The following MTCL1 variants were observed in gnomAD, a reference collection of about 807,000 sequenced individuals.
MTCL1 encodes microtubule crosslinking factor 1.
MTCL1 carries 79 observed loss-of-function variants against 141.4 expected under a neutral mutation model. That is an observed-to-expected ratio of 0.56 (90% CI 0.47 to 0.67). The LOEUF is 0.67. Among genes scored for constraint, MTCL1 ranks in the 30% least tolerant of loss-of-function variants. The pLI is 0.00. For synonymous variants in MTCL1, 914 were observed against 875.8 expected (o/e 1.04, Z -0.77); for missense variants, 2,177 against 2,113.9 (o/e 1.03, Z -0.59).
At chr18:8,780,887 G>T (rs2034012118) in intron 5 of MTCL1, among the ~76,000 whole-genome samples, 1 of 152,076 alleles carries the variant, frequency 6.6e-6, no homozygotes, top group Admixed American at 6.5e-5. Flanking sequence ...AATGAACAAG[G>T]CCAGGTGTGG....
rs557141516 is a variant in MTCL1, at chr18:8,736,908, A to G, written c.357+16412A>G. Among the ~76,000 whole-genome samples the G allele has an allele frequency of 1.8e-4, 27 of 152,204 alleles. 1 individual carries two copies. In the South Asian group the frequency reaches 3.7e-3, roughly 21 times the overall value. On this transcript the variant is annotated intron_variant, in intron 4 of 16. Coordinates refer to ENST00000359865, the Ensembl canonical transcript of MTCL1. ...GCCCGCCACGGCCTCCGAAAGTGCT[A>G]GGATTACAGGCGTGAGCCACTGCAC...
chr18:8,769,551 G>T (rs2096476083), intron 4 of MTCL1, among the ~76,000 whole-genome samples: 2 of 152,314 alleles, frequency 1.3e-5, no homozygotes, highest in Non-Finnish European at 2.9e-5. Flanking sequence ...GAGCCAACCA[G>T]CTCATATTGC....
upstream of MTCL1, among the ~76,000 whole-genome samples, chr18:8,713,363 G>A (rs2096106339): frequency 6.6e-6 from 1 of 152,178 alleles, no homozygotes. Context: ...TGTATAAAAA[G>A]ACAACAGCGA....
At chr18:8,784,815 T>C (rs1224059302) in exon 6 of MTCL1, 2 of 1,604,830 alleles carry the variant, frequency 1.2e-6, no homozygotes. Context: ...ATCGGGAACC[T>C]GGGGAAGGAG....
intron 10 of MTCL1, among the ~76,000 whole-genome samples, chr18:8,800,058 C>T (rs2143963403): frequency 6.6e-6 from 1 of 152,332 alleles, no homozygotes; most frequent in East Asian, 1.9e-4. Flanking sequence ...GAGTAAGGAG[C>T]TCACTAACGC....
rs368463108 is a variant in MTCL1 at position 8,813,019 on chromosome 18, C to T, written c.2645C>T (p.Ser882Phe). Reference sequence around the variant, plus strand: ...GAGAACAAGTTGGGAGAACTAGGCTCCTCCGCTGAGAGCAAGGGGGCCTTG... The same window carrying T: ...GAGAACAAGTTGGGAGAACTAGGCTTCTCCGCTGAGAGCAAGGGGGCCTTG... Residue 882 changes from serine to phenylalanine, a missense_variant, in exon 12 of 17, where the codon TCC becomes TTC. Physicochemically the swap from Ser to Phe is radical, Grantham distance 155. Transcript: ENST00000359865. 2.3e-5 allele frequency: 37 copies of T among 1,613,982 alleles called. No individual in the cohort carries two copies. The African/African-American group carries it at 3.3e-4, about 15-fold the overall frequency.
chr18:8,729,746 T>C (rs1375912565), intron 4 of MTCL1, among the ~76,000 whole-genome samples: 1 of 130,002 alleles, frequency 7.7e-6, no homozygotes, highest in Non-Finnish European at 1.6e-5. Context: ...TTTGCAAATA[T>C]TTTCTCTTAC....
chr18:8,708,558 C>T (rs945569400), intron 1 of MTCL1, among the ~76,000 whole-genome samples: 18 of 152,286 alleles, frequency 1.2e-4, no homozygotes, highest in African/African-American at 4.1e-4. Context: ...GTGGCACCTG[C>T]GTTTCCCCAG....
upstream of MTCL1, chr18:8,705,585 ACGC>A (rs529374906): frequency 5.4e-4 from 609 of 1,136,778 alleles, 2 homozygotes; most frequent in Middle Eastern, 1.0e-3. This position sits in a 1 kb window ranked among gnomAD's most constrained non-coding sequence, Gnocchi z 5.2. Flanking sequence ...GGGAGGCTGC[ACGC>A]CGCCGCCGCC....
chr18:8,763,300 G>A (rs2096442557), intron 4 of MTCL1, among the ~76,000 whole-genome samples: 1 of 152,266 alleles, frequency 6.6e-6, no homozygotes, highest in Non-Finnish European at 1.5e-5. Context: ...CCTGGGGCAG[G>A]AATGAGGCCT....
At chr18:8,706,352 G>C in exon 1 of MTCL1, 1 of 1,230,560 alleles carries the variant, frequency 8.1e-7, no homozygotes, top group South Asian at 4.1e-5. Context: ...CCTGCCGCCA[G>C]CAGCGACGCC....
exon 10 of MTCL1, chr18:8,798,117 C>T (rs777806693): frequency 2.5e-6 from 4 of 1,591,326 alleles, no homozygotes; most frequent in Admixed American, 1.8e-5. Context: ...CAGAGACCCT[C>T]TCCAGGCTCG....
intron 5 of MTCL1, chr18:8,778,124 A>G (rs2096518788): frequency 2.1e-6 from 1 of 474,490 alleles, no homozygotes; most frequent in South Asian, 3.7e-5. Context: ...TCTTCAGGAA[A>G]AAGAACTGGC....
chr18:8,793,124 A>C lies in MTCL1; in HGVS notation c.2010+4A>C. 1 of 1,613,388 alleles carries C rather than the reference A, an allele frequency of 6.2e-7. No individual in the cohort carries two copies. The highest frequency in any genetic ancestry group is 8.5e-7 in the Non-Finnish European group (1 of 1,179,616). On this transcript the variant is annotated splice_donor_region_variant and intron_variant, in intron 8 of 16. Transcript: ENST00000359865. ...ATTTACAAACAAGATCCATAAGGTA[A>C]ATATTTAACACGGACTCAGCACAAC...
At chr18:8,781,235 T>C (rs1376913732) in intron 5 of MTCL1, among the ~76,000 whole-genome samples, 1 of 151,014 alleles carries the variant, frequency 6.6e-6, no homozygotes, top group Non-Finnish European at 1.5e-5. Flanking sequence ...CGAGCATGCT[T>C]TTCCTCTAGT....
At chr18:8,793,053 G>T (rs1360355061) in exon 8 of MTCL1, 2 of 1,614,040 alleles carry the variant, frequency 1.2e-6, no homozygotes, top group African/African-American at 1.3e-5. Context: ...GAGCTACAGG[G>T]TCAGCTCGTG....
intron 10 of MTCL1, among the ~76,000 whole-genome samples, chr18:8,803,850 A>G (rs1317573694): frequency 6.6e-6 from 1 of 152,228 alleles, no homozygotes; most frequent in Non-Finnish European, 1.5e-5. Flanking sequence ...GCTTCCAGAG[A>G]AACCAAGTTT....
At chr18:8,749,827 A>G (rs1264080234) in intron 4 of MTCL1, among the ~76,000 whole-genome samples, 1 of 152,152 alleles carries the variant, frequency 6.6e-6, no homozygotes, top group Non-Finnish European at 1.5e-5. Context: ...TAATGGCTTG[A>G]ACTTCAGTGT....
chr18:8,727,197 G>A (rs1262192629), intron 4 of MTCL1, among the ~76,000 whole-genome samples: 2 of 151,974 alleles, frequency 1.3e-5, no homozygotes, highest in Admixed American at 6.6e-5. Context: ...TTATCTAATC[G>A]TCTATTGATG....
Sources: gnomAD v4.1 joint callset for allele counts (sites outside exome capture counted in the v4.1 genomes callset) on GRCh38, gnomAD v4.1.1 for gene constraint, Gnocchi (gnomAD v3.1) non-coding constraint, MANE v1.5 for transcripts, NCBI Gene and HGNC (gene_info 2026-07-23, HGNC 2026-07-21) for gene names.